Variants in PDE1A observed in about 807,000 individuals in gnomAD.
PDE1A encodes phosphodiesterase 1A.
A neutral mutation model predicts 61.7 loss-of-function variants in PDE1A; 35 were observed. The ratio of observed to expected loss-of-function variants is 0.57; its 90% CI spans 0.43 to 0.75. The LOEUF is 0.75. PDE1A is among the 30% of genes least tolerant of loss of function. The pLI, the probability that PDE1A is intolerant of heterozygous loss-of-function variation, is 0.00. For synonymous variants in PDE1A, 232 were observed against 213.2 expected (o/e 1.09, Z -0.77); for missense variants, 597 against 630.6 (o/e 0.95, Z 0.57).
chr2:182,492,984 CAAA>C (rs34670464), intron 2 of PDE1A, among the ~76,000 whole-genome samples: 1 of 145,400 alleles, frequency 6.9e-6, no homozygotes, highest in Non-Finnish European at 1.5e-5. Context: ...ATTATGGTGG[CAAA>C]AAAAAAAAGG....
chr2:182,212,223 C>A (rs1345216422), intron 7 of PDE1A, among the ~76,000 whole-genome samples: 1 of 148,454 alleles, frequency 6.7e-6, no homozygotes, highest in Admixed American at 6.8e-5. Context: ...GAGATAATGT[C>A]TTGAAACATA....
chr2:182,513,844 C>T (rs1352550558), intron 2 of PDE1A, among the ~76,000 whole-genome samples: 2 of 152,112 alleles, frequency 1.3e-5, no homozygotes, highest in African/African-American at 4.8e-5. Context: ...TCAAAAAGGA[C>T]AAAGAAGGGC....
intron 7 of PDE1A, 121 bp from the exon 8 acceptor site, chr2:182,206,186 A>AT: frequency 1.7e-6 from 1 of 599,264 alleles, no homozygotes; most frequent in East Asian, 3.0e-5. Context: ...AACAGTGAGA[A>AT]TTATGGAAGT....
the PDE1A span, among the ~76,000 whole-genome samples, chr2:182,541,124 AT>A: frequency 1.3e-5 from 2 of 152,244 alleles, no homozygotes; most frequent in Non-Finnish European, 2.9e-5. Context: ...TTCAAAACAT[AT>A]ACAACAATAT....
the PDE1A span, among the ~76,000 whole-genome samples, chr2:182,605,150 GC>G: frequency 6.6e-6 from 1 of 151,882 alleles, no homozygotes; most frequent in Non-Finnish European, 1.5e-5. Flanking sequence ...GCCCGTCTCT[GC>G]CCTGGGCCCT....
In PDE1A at chr2:182,449,049, TACAC is replaced by T. The variant is rs200893342; in HGVS notation, c.101+73223_101+73226del. Among the ~76,000 whole-genome samples the T allele has an allele frequency of 6.4e-3, 580 of 90,616 alleles. 5 individuals are homozygous for T. The highest frequency in any genetic ancestry group is 0.015 in the African/African-American group (477 of 31,676). The allele number at this position is 90,616 out of a possible 152,430, so 59.4% of individuals were successfully genotyped here. A position where few individuals can be genotyped will look rare whatever the true frequency, so the allele number is the denominator to read the frequency against. Reference sequence around the variant, plus strand: ...CCACTACAGGATCACATCATACACATACACACACACACACACACACACACACACA... The same window carrying T: ...CCACTACAGGATCACATCATACACATACACACACACACACACACACACACA... On this transcript the variant is annotated intron_variant, in intron 2 of 14. Transcript: ENST00000410103.
intron 7 of PDE1A, among the ~76,000 whole-genome samples, chr2:182,220,565 A>G (rs1315919942): frequency 6.6e-6 from 1 of 152,122 alleles, no homozygotes; most frequent in East Asian, 1.9e-4. Context: ...ACTGCTAAGA[A>G]AAGAACAGAC....
intron 10 of PDE1A, among the ~76,000 whole-genome samples, chr2:182,189,627 G>A (rs931505683): frequency 2.6e-5 from 4 of 152,042 alleles, no homozygotes; most frequent in African/African-American, 9.7e-5. Flanking sequence ...TTTCTTCTCA[G>A]AGAAAATTGA....
chr2:182,509,352 C>T (rs55966320), intron 2 of PDE1A, among the ~76,000 whole-genome samples: 10,456 of 152,218 alleles, frequency 0.069, 385 homozygotes, highest in Middle Eastern at 0.1. Context: ...CCAAACCATA[C>T]GCCACATGAT....
intron 2 of PDE1A, among the ~76,000 whole-genome samples, chr2:182,240,659 A>C (rs1690428350): frequency 6.6e-6 from 1 of 152,224 alleles, no homozygotes; most frequent in Admixed American, 6.5e-5. Flanking sequence ...CTATTAAAGG[A>C]AGTAACTGGA....
the PDE1A span, among the ~76,000 whole-genome samples, chr2:182,539,116 C>G: frequency 2.0e-5 from 3 of 152,148 alleles, no homozygotes; most frequent in African/African-American, 7.2e-5. Flanking sequence ...CCACACTGGC[C>G]TTTTTTCCAT....
the PDE1A span, among the ~76,000 whole-genome samples, chr2:182,549,229 ATCGAT>A: frequency 2.0e-5 from 3 of 152,206 alleles, no homozygotes; most frequent in South Asian, 6.2e-4. Flanking sequence ...AACAAGCACA[ATCGAT>A]TTCTATTGTA....
At chr2:182,146,978 G>T, downstream of PDE1A, 1 of 687,132 alleles carries the variant, frequency 1.5e-6, no homozygotes, top group Non-Finnish European at 2.4e-6. Context: ...ATCCATAATG[G>T]TATTCTGCAA....
chr2:182,616,952 A>T, the PDE1A span, among the ~76,000 whole-genome samples: 2 of 152,206 alleles, frequency 1.3e-5, no homozygotes, highest in Non-Finnish European at 2.9e-5. Flanking sequence ...CTTATGCCAG[A>T]CTTCCTCCAA....
intron 1 of PDE1A, among the ~76,000 whole-genome samples, chr2:182,370,020 T>C (rs1411803907): frequency 1.3e-5 from 2 of 151,472 alleles, no homozygotes; most frequent in Non-Finnish European, 2.9e-5. Flanking sequence ...ACTAAAAAAA[T>C]ACAAAAATTA....
In PDE1A at chr2:182,186,722, T is replaced by C. The variant is rs10930991; in HGVS notation, c.1208-134A>G. On this transcript the variant is annotated intron_variant, in intron 11 of 13. Coordinates refer to ENST00000351439, the Ensembl canonical transcript of PDE1A. ...AATCAACTAAAATATTGGTTCTGCTTACCCTTTGTATTGTTTTAATCTAAT... is the reference window on the plus strand; with the variant it reads ...AATCAACTAAAATATTGGTTCTGCTCACCCTTTGTATTGTTTTAATCTAAT... 0.19 allele frequency: 143,718 copies of C among 773,306 alleles called. 14,740 individuals carry two copies. Among genetic ancestry groups the C allele is most frequent in the East Asian group, 0.34 (12,414 of 36,862 alleles). 47.9% of individuals were successfully genotyped at this position (773,306 alleles called of 1,614,324 possible).
chr2:182,604,139 T>C, the PDE1A span, among the ~76,000 whole-genome samples: 1 of 152,126 alleles, frequency 6.6e-6, no homozygotes, highest in Non-Finnish European at 1.5e-5. Context: ...ATTTTAATTA[T>C]ATCTGAAAGA....
the PDE1A span, among the ~76,000 whole-genome samples, chr2:182,633,754 C>A: frequency 6.6e-6 from 1 of 152,068 alleles, no homozygotes; most frequent in Non-Finnish European, 1.5e-5. Flanking sequence ...AGACTTCCAC[C>A]TATCTCACAA....
At chr2:182,385,039 A>C (rs749444832) in intron 1 of PDE1A, among the ~76,000 whole-genome samples, 1 of 152,210 alleles carries the variant, frequency 6.6e-6, no homozygotes, top group South Asian at 2.1e-4. Context: ...CTAAAGGGAC[A>C]AACTGTCAAC....
Sources: allele counts gnomAD v4.1 joint callset (sites outside exome capture counted in the v4.1 genomes callset), GRCh38; gene constraint gnomAD v4.1.1; transcripts MANE v1.5; gene names NCBI Gene and HGNC (gene_info 2026-07-23, HGNC 2026-07-21).